The following BICRAL variants were observed in gnomAD, a reference collection of about 807,000 sequenced individuals.
The protein encoded by BICRAL is BRD4-interacting chromatin-remodeling complex-associated protein-like.
A neutral mutation model predicts 91.8 loss-of-function variants in BICRAL; 8 were observed. The ratio of observed to expected loss-of-function variants is 0.09; its 90% CI spans 0.05 to 0.16. The LOEUF is 0.16. Among genes scored for constraint, BICRAL ranks in the 10% least tolerant of loss-of-function variants. The pLI is 1.00. For synonymous variants in BICRAL, 445 were observed against 491.1 expected (o/e 0.91, Z 1.24); for missense variants, 1,038 against 1,310.9 (o/e 0.79, Z 3.21).
At chr6:42,857,614 A>AAAAAAAAAAAAAAATATATATAT in intron 10 of BICRAL, among the ~76,000 whole-genome samples, 3 of 96,218 alleles carry the variant, frequency 3.1e-5, no homozygotes, top group African/African-American at 1.3e-4. Context: ...AAAAAAAAAA[A>AAAAAAAAAAAAAAATATATATAT]ATATATATAT....
intron 1 of BICRAL, among the ~76,000 whole-genome samples, chr6:42,751,654 C>CTTTTTTTT (rs1190737893): frequency 8.6e-6 from 1 of 116,564 alleles, no homozygotes; most frequent in Non-Finnish European, 1.8e-5. Context: ...TCTTTCTTTT[C>CTTTTTTTT]TTTTTTTTTT....
intron 6 of BICRAL, among the ~76,000 whole-genome samples, chr6:42,830,764 T>C (rs1200434418): frequency 2.0e-5 from 3 of 152,010 alleles, no homozygotes; most frequent in Admixed American, 6.6e-5. Context: ...TACAAGCACA[T>C]ACCAGCACAC....
intron 2 of BICRAL, among the ~76,000 whole-genome samples, chr6:42,817,258 AC>A (rs1411720516): frequency 5.3e-5 from 8 of 151,606 alleles, no homozygotes; most frequent in Non-Finnish European, 1.0e-4. Context: ...TTTTTAATTG[AC>A]CATATATCCT....
intron 2 of BICRAL, among the ~76,000 whole-genome samples, 187 bp from the exon 3 acceptor site, chr6:42,821,831 A>G (rs930193551): frequency 6.6e-6 from 1 of 152,208 alleles, no homozygotes; most frequent in Non-Finnish European, 1.5e-5. Context: ...AAAAGTTTAA[A>G]TTGAATACTT....
intron 1 of BICRAL, among the ~76,000 whole-genome samples, chr6:42,754,194 C>T (rs187403038): frequency 1.1e-4 from 17 of 148,586 alleles, no homozygotes; most frequent in Non-Finnish European, 2.4e-4. Context: ...TTTTTTGAGA[C>T]GGAGTCTTGC....
intron 6 of BICRAL, among the ~76,000 whole-genome samples, chr6:42,835,093 T>C (rs1465578353): frequency 6.6e-6 from 1 of 152,062 alleles, no homozygotes; most frequent in Non-Finnish European, 1.5e-5. Flanking sequence ...TTTTCCATAT[T>C]TGTATATTTG....
chr6:42,749,537 G>A (rs991572579), intron 1 of BICRAL, among the ~76,000 whole-genome samples: 4 of 152,094 alleles, frequency 2.6e-5, no homozygotes, highest in Non-Finnish European at 5.9e-5. Context: ...GAAAGGATTT[G>A]AAATGTTCCC....
intron 1 of BICRAL, among the ~76,000 whole-genome samples, chr6:42,787,949 A>C (rs1763148098): frequency 6.6e-6 from 1 of 151,000 alleles, no homozygotes; most frequent in Admixed American, 6.6e-5. Flanking sequence ...GTTGGAGTGC[A>C]ATGGTGCAAA....
At position 42,798,388 on chromosome 6, in the gene BICRAL, A is replaced by T. The variant is rs200110125; in HGVS notation, c.-101-11918A>T. 0.013 allele frequency among the ~76,000 whole-genome samples: 1,927 copies of T among 151,602 alleles called. 54 individuals carry two copies. The East Asian group carries it at 0.13, about 10-fold the overall frequency. On this transcript the variant is annotated intron_variant, in intron 1 of 12. Transcript: ENST00000314073. The stretch of plus-strand genomic sequence containing the variant: ...CACATAAACTAGAAAAAGAAAAAAA[A>T]TTTTTTTAATTAGAAAAAAAAAGGT...
Position 42,816,396 on chromosome 6 carries a change from A to C in BICRAL, c.-5-5622A>C, listed in dbSNP as rs188632747. ...GTATTTGGTATATTTAGTATACTTA[A>C]GGAAAGCGAGCCTTACTTGAGGTTC... On this transcript the variant is annotated intron_variant, in intron 2 of 12. Transcript: ENST00000314073. Among the ~76,000 whole-genome samples, 17 of 152,162 alleles carry C rather than the reference A, an allele frequency of 1.1e-4. 1 individual carries two copies. In the East Asian group the frequency reaches 3.1e-3, roughly 28 times the overall value.
At chr6:42,862,225 A>G (rs78622100) in intron 11 of BICRAL, among the ~76,000 whole-genome samples, 13,071 of 151,904 alleles carry the variant, frequency 0.086, 819 homozygotes, top group South Asian at 0.16. Flanking sequence ...AAAATAAAGA[A>G]GTATATTTCT....
intron 1 of BICRAL, among the ~76,000 whole-genome samples, chr6:42,766,241 C>G (rs762146066): frequency 9.2e-5 from 14 of 152,154 alleles, no homozygotes; most frequent in Non-Finnish European, 1.6e-4. Context: ...TGTCATCAGT[C>G]TCAAGTTTGC....
chr6:42,834,284 A>G (rs1253019140), intron 6 of BICRAL, among the ~76,000 whole-genome samples: 2 of 152,214 alleles, frequency 1.3e-5, no homozygotes, highest in African/African-American at 4.8e-5. Context: ...ATTGCTGGTG[A>G]TCTCACCTTG....
intron 7 of BICRAL, among the ~76,000 whole-genome samples, chr6:42,852,860 G>T (rs1765233184): frequency 6.6e-6 from 1 of 151,826 alleles, no homozygotes; most frequent in African/African-American, 2.4e-5. Flanking sequence ...CACTTTGGGA[G>T]GCCGAGGCGG....
At chr6:42,756,928 C>CCCCCCCCCCCCCA (rs1762471690) in intron 1 of BICRAL, among the ~76,000 whole-genome samples, 1 of 106,928 alleles carries the variant, frequency 9.4e-6, no homozygotes, top group African/African-American at 3.5e-5. Context: ...CTCCCCCCCC[C>CCCCCCCCCCCCCA]CCACCCTCCC....
chr6:42,763,046 G>A (rs1253478516), intron 1 of BICRAL, among the ~76,000 whole-genome samples: 1 of 152,154 alleles, frequency 6.6e-6, no homozygotes, highest in Non-Finnish European at 1.5e-5. Context: ...GGGAGCCTCT[G>A]CCCCTTATTG....
chr6:42,782,937 TTTTC>T (rs1432202801), intron 1 of BICRAL, among the ~76,000 whole-genome samples: 4 of 150,282 alleles, frequency 2.7e-5, no homozygotes, highest in Admixed American at 6.6e-5. Context: ...GTGAATCACA[TTTTC>T]TTTCTTCTCG....
intron 1 of BICRAL, among the ~76,000 whole-genome samples, chr6:42,755,342 C>T (rs1013914948): frequency 6.6e-6 from 1 of 152,162 alleles, no homozygotes; most frequent in African/African-American, 2.4e-5. Context: ...GCCTACTCCT[C>T]AGGAGCTGGG....
intron 6 of BICRAL, among the ~76,000 whole-genome samples, chr6:42,839,313 A>G (rs1434936353): frequency 6.6e-6 from 1 of 151,876 alleles, no homozygotes; most frequent in Admixed American, 6.6e-5. Context: ...AATTATTATT[A>G]TTATTTTAAA....
Sources: allele counts gnomAD v4.1 joint callset (sites outside exome capture counted in the v4.1 genomes callset), GRCh38; gene constraint gnomAD v4.1.1; transcripts MANE v1.5; gene names NCBI Gene and HGNC (gene_info 2026-07-23, HGNC 2026-07-21).